The following SAXO1 variants were observed in gnomAD, a reference collection of about 807,000 sequenced individuals.
The protein encoded by SAXO1 is 4930500O09Rik.
Under a neutral mutation model 17.5 loss-of-function variants are expected in SAXO1, and 21 were observed. That is an observed-to-expected ratio of 1.20 (90% confidence interval 0.85 to 1.72). The LOEUF (loss-of-function observed/expected upper bound fraction) is 1.72, where lower values mean the gene tolerates loss of function less well. Ranked by LOEUF, SAXO1 falls within the 40% of genes most tolerant of loss-of-function variation. The pLI is 0.00. For synonymous variants in SAXO1, 274 were observed against 216.5 expected (o/e 1.27, Z -2.33); for missense variants, 843 against 596.0 (o/e 1.41, Z -4.32).
intron 1 of SAXO1, among the ~76,000 whole-genome samples, chr9:19,015,067 C>T (rs1230810453): frequency 6.6e-6 from 1 of 152,130 alleles, no homozygotes; most frequent in Admixed American, 6.5e-5. Flanking sequence ...GCGTTAAGTG[C>T]TGGTGTCACG....
At chr9:18,969,014 T>C (rs1471324833) in intron 1 of SAXO1, among the ~76,000 whole-genome samples, 6 of 141,970 alleles carry the variant, frequency 4.2e-5, no homozygotes, top group East Asian at 1.9e-4. Context: ...ACCCTGATCA[T>C]TGTTGATGCT....
chr9:19,020,420 T>C (rs1289117491), intron 1 of SAXO1, among the ~76,000 whole-genome samples: 1 of 151,938 alleles, frequency 6.6e-6, no homozygotes, highest in Non-Finnish European at 1.5e-5. Flanking sequence ...CTCAGCTCAC[T>C]GCATCACTGC....
chr9:18,973,151 A>G (rs367941420), intron 1 of SAXO1, among the ~76,000 whole-genome samples: 1 of 152,216 alleles, frequency 6.6e-6, no homozygotes, highest in Non-Finnish European at 1.5e-5. Context: ...TGTTCTCAAA[A>G]TGAGTCAACA....
intron 1 of SAXO1, among the ~76,000 whole-genome samples, chr9:19,019,982 T>C (rs1442108951): frequency 6.6e-6 from 1 of 150,810 alleles, no homozygotes; most frequent in Non-Finnish European, 1.5e-5. Flanking sequence ...CAGAATGCAT[T>C]CCATATAAAC....
At chr9:18,979,838 T>C (rs1021219978) in intron 1 of SAXO1, among the ~76,000 whole-genome samples, 3 of 152,152 alleles carry the variant, frequency 2.0e-5, no homozygotes, top group Non-Finnish European at 4.4e-5. Flanking sequence ...AAGACCTCAT[T>C]TTTCTTTTTT....
chr9:19,010,282 G>A (rs1044226782), intron 1 of SAXO1, among the ~76,000 whole-genome samples: 9 of 152,060 alleles, frequency 5.9e-5, no homozygotes, highest in African/African-American at 2.2e-4. Context: ...GCAGTAGAGG[G>A]GTGGCCCTGG....
At chr9:18,962,899 C>T (rs1418749395) in intron 1 of SAXO1, among the ~76,000 whole-genome samples, 2 of 152,168 alleles carry the variant, frequency 1.3e-5, no homozygotes, top group African/African-American at 2.4e-5. Flanking sequence ...ATGGTATTAG[C>T]TAGCTTTTTT....
intron 1 of SAXO1, among the ~76,000 whole-genome samples, chr9:18,985,215 C>T (rs758970916): frequency 1.5e-4 from 23 of 152,054 alleles, no homozygotes; most frequent in Non-Finnish European, 2.9e-4. Flanking sequence ...GGGCGTGGCT[C>T]ATGGCACCCT....
In SAXO1 at chr9:18,968,097, A is replaced by G. The variant is rs574397339; in HGVS notation, c.39-17160T>C. Among the ~76,000 whole-genome samples, 108 of 152,266 alleles carry G rather than the reference A, an allele frequency of 7.1e-4. 2 individuals carry two copies. Among genetic ancestry groups the G allele is most frequent in the Middle Eastern group, 3.4e-3 (1 of 294 alleles). ...CTCAGCCACTGTCTAACCAGTCCCA[A>G]TGAGACTAAGTGAGTACCTCAGTTG... On this transcript the variant is annotated intron_variant, in intron 1 of 3. Transcript: ENST00000380534.
chr9:18,934,359 C>T (rs1408743056), intron 3 of SAXO1, among the ~76,000 whole-genome samples: 1 of 152,128 alleles, frequency 6.6e-6, no homozygotes, highest in East Asian at 1.9e-4. Flanking sequence ...GGACCTTTCT[C>T]TTAATTTTTT....
At chr9:18,950,718 G>T (rs754971353) in intron 2 of SAXO1, 40 bp downstream of exon 2, 2 of 1,545,256 alleles carry the variant, frequency 1.3e-6, no homozygotes, top group Non-Finnish European at 1.8e-6. Context: ...CTCCATTAGT[G>T]TTGTATGTAC....
intron 2 of SAXO1, among the ~76,000 whole-genome samples, chr9:18,942,804 C>A (rs1415650694): frequency 6.6e-6 from 1 of 152,214 alleles, no homozygotes; most frequent in African/African-American, 2.4e-5. Context: ...CCCTCCAGGG[C>A]ACTCGCAACT....
At chr9:18,973,151 A>C (rs367941420) in intron 1 of SAXO1, among the ~76,000 whole-genome samples, 60 of 152,334 alleles carry the variant, frequency 3.9e-4, no homozygotes, top group African/African-American at 1.4e-3. Context: ...TGTTCTCAAA[A>C]TGAGTCAACA....
intron 1 of SAXO1, among the ~76,000 whole-genome samples, chr9:19,019,000 T>C (rs903959349): frequency 6.6e-6 from 1 of 151,750 alleles, no homozygotes; most frequent in African/African-American, 2.4e-5. Flanking sequence ...TCCCAGCTAC[T>C]GGGGAGGCTG....
At chr9:18,947,260 C>G (rs932825471) in intron 2 of SAXO1, among the ~76,000 whole-genome samples, 4 of 152,146 alleles carry the variant, frequency 2.6e-5, no homozygotes, top group Non-Finnish European at 5.9e-5. Context: ...ATGGGCAGTG[C>G]AAGACTCAAG....
chr9:18,946,676 C>T (rs1261708228), intron 2 of SAXO1, among the ~76,000 whole-genome samples: 1 of 151,876 alleles, frequency 6.6e-6, no homozygotes, highest in Non-Finnish European at 1.5e-5. Context: ...TGGAGACCAA[C>T]TCCAAGCAGA....
chr9:18,967,417 G>A (rs1015212325), intron 1 of SAXO1, among the ~76,000 whole-genome samples: 1 of 152,190 alleles, frequency 6.6e-6, no homozygotes, highest in Non-Finnish European at 1.5e-5. Flanking sequence ...GACTGGGGCT[G>A]TTGCCTTTCT....
intron 1 of SAXO1, among the ~76,000 whole-genome samples, chr9:18,960,809 G>A (rs1042016058): frequency 1.4e-4 from 20 of 141,466 alleles, no homozygotes; most frequent in African/African-American, 4.8e-4. Context: ...TGAATTAATC[G>A]AAAGAATACA....
intron 1 of SAXO1, among the ~76,000 whole-genome samples, chr9:18,979,941 G>C (rs1273302477): frequency 6.6e-6 from 1 of 152,174 alleles, no homozygotes; most frequent in Non-Finnish European, 1.5e-5. Context: ...AGAAAATAAA[G>C]AGTTAAGAGA....
Sources: gnomAD v4.1 joint callset for allele counts (sites outside exome capture counted in the v4.1 genomes callset) on GRCh38, gnomAD v4.1.1 for gene constraint, MANE v1.5 for transcripts, NCBI Gene and HGNC (gene_info 2026-07-23, HGNC 2026-07-21) for gene names.